The following EPHB1 variants were observed in gnomAD, a reference collection of about 807,000 sequenced individuals.
EPHB1 encodes EPH receptor B1.
Under a neutral mutation model 94.4 loss-of-function variants are expected in EPHB1, and 30 were observed. The ratio of observed to expected loss-of-function variants is 0.32; its 90% CI spans 0.24 to 0.43. The LOEUF is 0.43. EPHB1 is among the 20% of genes least tolerant of loss of function. The pLI is 1.00. For missense variants in EPHB1, 1,055 were observed against 1,308.3 expected (o/e 0.81, Z 2.99); for synonymous variants, 522 against 489.1 (o/e 1.07, Z -0.89).
intron 11 of EPHB1, among the ~76,000 whole-genome samples, chr3:135,198,296 A>C (rs1048869135): frequency 1.3e-5 from 2 of 152,242 alleles, no homozygotes; most frequent in African/African-American, 2.4e-5. Flanking sequence ...AAGGCTGATC[A>C]CATACATTTT....
rs149000175 is a variant in EPHB1 at position 135,124,690 on chromosome 3, C to T, written c.962-8024C>T. Among the ~76,000 whole-genome samples the T allele has an allele frequency of 6.5e-4, 99 of 151,840 alleles. 4 individuals carry two copies. In the East Asian group the frequency reaches 0.014, roughly 22 times the overall value. On this transcript the variant is annotated intron_variant, in intron 4 of 15. Coordinates refer to ENST00000398015, the MANE Select transcript of EPHB1 (RefSeq NM_004441.5). ...TCTGTATCTGAAGATCTGTGACCTC[C>T]CATCCTTAGTAATTTGCTACTGGGG...
chr3:135,140,537 C>T (rs990505200), intron 5 of EPHB1, among the ~76,000 whole-genome samples: 1 of 152,232 alleles, frequency 6.6e-6, no homozygotes, highest in African/African-American at 2.4e-5. Flanking sequence ...CTTTAGCTGT[C>T]TCTGTGATCT....
intron 4 of EPHB1, among the ~76,000 whole-genome samples, chr3:135,118,822 T>G: frequency 6.6e-6 from 1 of 152,162 alleles, no homozygotes; most frequent in East Asian, 1.9e-4. Context: ...TGGGTGAGTG[T>G]TTGGGCCCAT....
chr3:134,824,936 T>A (rs531149993), intron 1 of EPHB1, among the ~76,000 whole-genome samples: 102 of 152,250 alleles, frequency 6.7e-4, no homozygotes, highest in African/African-American at 2.3e-3. Context: ...CCTGCCAACA[T>A]CTGACTGCAA....
At chr3:134,926,359 G>A (rs60804978) in intron 2 of EPHB1, among the ~76,000 whole-genome samples, 18,460 of 152,194 alleles carry the variant, frequency 0.12, 1,462 homozygotes, top group South Asian at 0.22. Flanking sequence ...TGAGGAGCTC[G>A]TGGCCTCCTG....
intron 5 of EPHB1, among the ~76,000 whole-genome samples, chr3:135,148,619 C>A (rs1423384577): frequency 1.3e-5 from 2 of 152,224 alleles, no homozygotes; most frequent in Admixed American, 6.5e-5. Flanking sequence ...TCACAACTTG[C>A]AGCTAGGGCC....
intron 1 of EPHB1, among the ~76,000 whole-genome samples, chr3:134,838,980 A>C (rs887786638): frequency 6.6e-6 from 1 of 152,228 alleles, no homozygotes; most frequent in African/African-American, 2.4e-5. Context: ...TTTCTACTAT[A>C]TATTCATTAA....
At chr3:134,828,757 A>G (rs1351307083) in intron 1 of EPHB1, among the ~76,000 whole-genome samples, 1 of 152,154 alleles carries the variant, frequency 6.6e-6, no homozygotes. Flanking sequence ...TGCTTCCTGG[A>G]GATGCTCAGT....
chr3:134,934,221 A>C (rs2038957644), intron 2 of EPHB1, among the ~76,000 whole-genome samples: 1 of 152,248 alleles, frequency 6.6e-6, no homozygotes, highest in South Asian at 2.1e-4. Flanking sequence ...TGAAGCAATG[A>C]GGAACAAAAC....
chr3:135,237,602 AG>A (rs1314905023), intron 12 of EPHB1, among the ~76,000 whole-genome samples: 1 of 152,104 alleles, frequency 6.6e-6, no homozygotes, highest in Non-Finnish European at 1.5e-5. Flanking sequence ...AGCATCCCCC[AG>A]GGAAGCAAGT....
At chr3:135,069,324 C>T (rs992123732) in intron 3 of EPHB1, among the ~76,000 whole-genome samples, 4 of 152,024 alleles carry the variant, frequency 2.6e-5, no homozygotes, top group African/African-American at 9.7e-5. Flanking sequence ...ACCAGTTTTG[C>T]AAGTTCTGAG....
chr3:135,194,503 G>A (rs962202924), intron 11 of EPHB1, among the ~76,000 whole-genome samples: 2 of 152,216 alleles, frequency 1.3e-5, no homozygotes, highest in African/African-American at 4.8e-5. Context: ...CAGCGAAACA[G>A]TGTATATGAA....
chr3:134,832,350 C>A (rs2036596190), intron 1 of EPHB1, among the ~76,000 whole-genome samples: 1 of 152,176 alleles, frequency 6.6e-6, no homozygotes, highest in Non-Finnish European at 1.5e-5. Context: ...CAAAGCCAGG[C>A]TGGGAGCAAG....
At chr3:134,876,613 A>G (rs2037621362) in intron 1 of EPHB1, among the ~76,000 whole-genome samples, 1 of 152,152 alleles carries the variant, frequency 6.6e-6, no homozygotes, top group African/African-American at 2.4e-5. Context: ...ACATGTCTTC[A>G]TAGTGCCAGC....
chr3:135,257,095 G>GGTTATTCTA (rs1933429715), intron 15 of EPHB1, among the ~76,000 whole-genome samples: 1 of 147,034 alleles, frequency 6.8e-6, no homozygotes, highest in Non-Finnish European at 1.5e-5. Context: ...TCTCTGTATT[G>GGTTATTCTA]GTTATTCTAG....
intron 3 of EPHB1, among the ~76,000 whole-genome samples, chr3:135,071,423 A>C (rs926003751): frequency 1.3e-5 from 2 of 152,222 alleles, no homozygotes; most frequent in Non-Finnish European, 2.9e-5. Flanking sequence ...CTGTAAGACA[A>C]AAACAAACGT....
intron 1 of EPHB1, among the ~76,000 whole-genome samples, chr3:134,802,009 C>T (rs2035943124): frequency 6.6e-6 from 1 of 152,210 alleles, no homozygotes; most frequent in Non-Finnish European, 1.5e-5. Flanking sequence ...CAAACAAGTG[C>T]ACAGTTAGCT....
chr3:134,915,984 G>A (rs1243096896), intron 1 of EPHB1, among the ~76,000 whole-genome samples: 1 of 152,144 alleles, frequency 6.6e-6, no homozygotes, highest in Non-Finnish European at 1.5e-5. Flanking sequence ...CCTGCTGACT[G>A]GTCCATTTTA....
At chr3:134,813,743 T>A (rs1204078525) in intron 1 of EPHB1, among the ~76,000 whole-genome samples, 1 of 152,186 alleles carries the variant, frequency 6.6e-6, no homozygotes, top group East Asian at 1.9e-4. Context: ...TTTCCAACAC[T>A]GGGGATGATG....
Sources: allele counts gnomAD v4.1 joint callset (sites outside exome capture counted in the v4.1 genomes callset), GRCh38; gene constraint gnomAD v4.1.1; transcripts MANE v1.5; gene names NCBI Gene and HGNC (gene_info 2026-07-23, HGNC 2026-07-21).